The following NADSYN1 variants were observed in gnomAD, a reference collection of about 807,000 sequenced individuals.
The protein encoded by NADSYN1 is glutamine-dependent NAD(+) synthetase.
In NADSYN1, 80 loss-of-function variants were observed where a neutral mutation model predicts 99.3. The ratio of observed to expected loss-of-function variants is 0.81; its 90% CI spans 0.67 to 0.97. NADSYN1 has a LOEUF of 0.97. Among genes scored for constraint, NADSYN1 ranks in the 50% least tolerant of loss-of-function variants. The probability of loss-of-function intolerance (pLI) is 0.00; values close to 1 mark genes in which losing one functional copy is unlikely to be tolerated. For synonymous variants in NADSYN1, 385 were observed against 372.1 expected (o/e 1.03, Z -0.40); for missense variants, 859 against 948.5 (o/e 0.91, Z 1.24).
chr11:71,477,307 T>G (rs771651248), intron 9 of NADSYN1: 1 of 1,275,204 alleles, frequency 7.8e-7, no homozygotes, highest in South Asian at 1.3e-5. Context: ...CTCCATTGTT[T>G]TATGGCTTCA....
chr11:71,472,164 CACATCTCTCAGTAAAGATGA>C (rs1949631283), intron 5 of NADSYN1, among the ~76,000 whole-genome samples: 2 of 152,214 alleles, frequency 1.3e-5, no homozygotes, highest in African/African-American at 2.4e-5. Context: ...TCCCCTGTGA[CACATCTCTCAGTAAAGATGA>C]ACATGAGCGT....
intron 10 of NADSYN1, chr11:71,479,153 C>G (rs1246042133): frequency 6.6e-6 from 1 of 152,444 alleles, no homozygotes; most frequent in Non-Finnish European, 1.5e-5. Context: ...CATCACAGCT[C>G]ACCGCAGCCT....
intron 8 of NADSYN1, 22 bp from the exon 9 acceptor site, chr11:71,474,373 C>T: frequency 6.2e-7 from 1 of 1,613,978 alleles, no homozygotes; most frequent in Non-Finnish European, 8.5e-7. Flanking sequence ...GACCACTCCG[C>T]TATGGGGTCC....
intron 20 of NADSYN1, chr11:71,499,691 C>G (rs915210174): frequency 1.3e-5 from 2 of 152,228 alleles, no homozygotes; most frequent in African/African-American, 4.8e-5. Flanking sequence ...TGGCCATGGC[C>G]TCCCTAGCGC....
At chr11:71,462,965 C>T (rs1312920407) in intron 3 of NADSYN1, among the ~76,000 whole-genome samples, 1 of 152,062 alleles carries the variant, frequency 6.6e-6, no homozygotes, top group Non-Finnish European at 1.5e-5. Flanking sequence ...GTGATGGGAG[C>T]GTGAAGCCAA....
In NADSYN1 at chr11:71,498,499, C is replaced by T. The variant is rs1470168940; in HGVS notation, c.2041C>T (p.Pro681Ser). 1.2e-6 allele frequency: 2 copies of T among 1,614,060 alleles called. No homozygotes were observed. Among genetic ancestry groups the T allele is most frequent in the South Asian group, 1.1e-5 (1 of 91,042 alleles). The change falls in exon 20 of 21, where the codon CCT becomes TCT. Residue 681 changes from proline to serine, a missense_variant. Coordinates refer to ENST00000319023, the MANE Select transcript of NADSYN1 (RefSeq NM_018161.5). ...ACCATTTCTGTACAACACAAGCTGG[C>T]CTTGGCAGTTTCGGTGCATAGAAAA... ...LRPFLYNTSW[P>S]WQFRCIENQV...
In NADSYN1 at chr11:71,482,881, G is replaced by A. The variant is rs145532179; in HGVS notation, c.1183G>A (p.Val395Met). The A allele has an allele frequency of 1.2e-4, 187 of 1,613,028 alleles. No individual in the cohort carries two copies. The highest frequency in any genetic ancestry group is 1.4e-4 in the Non-Finnish European group (166 of 1,179,578). ...EEVLADVRTI[V>M]NQISYTPQDP... ...AGTGCTGGCTGATGTCCGCACCATC[G>A]TGAACCAGATCAGCTACACCCCCCA... The change falls in exon 14 of 21, where the codon GTG (valine) becomes ATG (methionine). Residue 395 changes from valine (V) to methionine (M), a missense_variant. Val to Met is a conservative substitution (Grantham distance 21, BLOSUM62 1). Transcript: ENST00000319023.
intron 19 of NADSYN1, 61 bp downstream of exon 19, chr11:71,497,672 G>T: frequency 1.2e-6 from 2 of 1,608,010 alleles, no homozygotes; most frequent in South Asian, 2.2e-5. Flanking sequence ...CTTTGCAGAG[G>T]CCGGTTTGAC....
intron 15 of NADSYN1, 108 bp from the exon 16 acceptor site, chr11:71,485,434 G>C (rs1037500104): frequency 6.0e-6 from 5 of 831,232 alleles, no homozygotes; most frequent in Non-Finnish European, 9.3e-6. Context: ...GAACGCTAGA[G>C]AGCTCCTAAG....
chr11:71,498,817 G>A (rs12286569), intron 20 of NADSYN1: 20,318 of 256,378 alleles, frequency 0.079, 990 homozygotes, highest in African/African-American at 0.14. Flanking sequence ...TACCCCACAC[G>A]CCTATTATTT....
intron 6 of NADSYN1, among the ~76,000 whole-genome samples, chr11:71,472,975 A>C (rs1949637446): frequency 6.6e-6 from 1 of 152,212 alleles, no homozygotes; most frequent in Admixed American, 6.5e-5. Flanking sequence ...ATCACAGGAC[A>C]GGGTCGCTTC....
At chr11:71,481,207 C>T (rs1316603967) in intron 11 of NADSYN1, 149 bp from the exon 12 acceptor site, 1 of 787,976 alleles carries the variant, frequency 1.3e-6, no homozygotes, top group African/African-American at 1.7e-5. Flanking sequence ...TGTGTCCCTT[C>T]TCACGAGGTG....
rs559669913 is a variant in NADSYN1, at chr11:71,482,512, C to T, written c.1151-337C>T. 3.2e-3 allele frequency among the ~76,000 whole-genome samples: 487 copies of T among 151,072 alleles called. 1 individual carries two copies. The highest frequency in any genetic ancestry group is 0.011 in the African/African-American group (470 of 41,080). Reference sequence around the variant, plus strand: ...GACCGGGGTGCAGCCGCACAGGCACCTGGGGGTGTAGACCGGGGTGGAGCC... The same window carrying T: ...GACCGGGGTGCAGCCGCACAGGCACTTGGGGGTGTAGACCGGGGTGGAGCC... On this transcript the variant is annotated intron_variant, in intron 13 of 20. Coordinates refer to ENST00000319023, the MANE Select transcript of NADSYN1 (RefSeq NM_018161.5).
chr11:71,458,084 C>G (rs1949524911), intron 2 of NADSYN1, among the ~76,000 whole-genome samples: 1 of 152,142 alleles, frequency 6.6e-6, no homozygotes, highest in African/African-American at 2.4e-5. Context: ...GTGGGTCCAG[C>G]TTTGTTTCTT....
chr11:71,453,436 TG>T, intron 1 of NADSYN1, 55 bp downstream of exon 1: 1 of 1,499,674 alleles, frequency 6.7e-7, no homozygotes, highest in Non-Finnish European at 9.2e-7. Flanking sequence ...GCACCGTGGC[TG>T]GGCCCAGGCT....
intron 4 of NADSYN1, among the ~76,000 whole-genome samples, chr11:71,463,701 G>A (rs1306773294): frequency 2.6e-5 from 4 of 152,138 alleles, no homozygotes; most frequent in Non-Finnish European, 4.4e-5. Context: ...GCATCATCAG[G>A]TATCAGAAGG....
chr11:71,468,099 T>C (rs572472157), intron 5 of NADSYN1, among the ~76,000 whole-genome samples: 5 of 151,988 alleles, frequency 3.3e-5, no homozygotes, highest in Admixed American at 3.3e-4. Flanking sequence ...CAGCCAGGAG[T>C]GTTAGAATCA....
intron 5 of NADSYN1, 139 bp from the exon 6 acceptor site, chr11:71,472,310 C>A: frequency 2.7e-6 from 2 of 738,480 alleles, no homozygotes; most frequent in South Asian, 1.5e-5. Flanking sequence ...TTGTTTATTG[C>A]ATTGGGGGGA....
chr11:71,485,661 C>T lies in NADSYN1; in HGVS notation c.1562+13C>T, dbSNP rs1949737559. The T allele has an allele frequency of 6.5e-7, 1 of 1,545,122 alleles. No homozygotes were observed. The highest frequency in any genetic ancestry group is 1.4e-5 in the African/African-American group (1 of 72,664). On this transcript the variant is annotated intron_variant, in intron 16 of 20. Transcript: ENST00000319023. ...ACGTGGATGAGAGGTGAGTGTGGCCCAGTGGCACGTGGTGGTGGGCCCCTG... is the reference window on the plus strand; with the variant it reads ...ACGTGGATGAGAGGTGAGTGTGGCCTAGTGGCACGTGGTGGTGGGCCCCTG...
Sources: gnomAD v4.1 joint callset for allele counts (sites outside exome capture counted in the v4.1 genomes callset) on GRCh38, gnomAD v4.1.1 for gene constraint, MANE v1.5 for transcripts, NCBI Gene and HGNC (gene_info 2026-07-23, HGNC 2026-07-21) for gene names.